Variants in SPTBN2 observed in about 807,000 individuals in gnomAD.
SPTBN2 encodes spectrin beta chain, non-erythrocytic 2.
Under a neutral mutation model 284.2 loss-of-function variants are expected in SPTBN2, and 107 were observed. That is an observed-to-expected ratio of 0.38 (90% confidence interval 0.32 to 0.44). The LOEUF (loss-of-function observed/expected upper bound fraction) is 0.44. Ranked by LOEUF, SPTBN2 falls within the 20% of genes least tolerant of loss-of-function variation. The pLI is 1.00. For synonymous variants in SPTBN2, 1,289 were observed against 1,354.8 expected (o/e 0.95, Z 1.07); for missense variants, 2,569 against 3,287.1 (o/e 0.78, Z 5.34).
Position 66,707,521 on chromosome 11 carries a change from T to A in SPTBN2, c.1648A>T (p.Met550Leu). ...LLYLMDWMEE[M>L]KGRLQSQDLG... ...CCAGCACGCCTCACTGGTACCTTCA[T>A]CTCTTCCATCCAGTCCATGAGGTAG... The change falls in exon 13 of 38, where the codon ATG (methionine) becomes TTG (leucine). Residue 550 changes from methionine to leucine, a missense_variant. This residue lies in a region of SPTBN2 where 1,012 missense variants were observed against 1,248.9 expected (regional missense o/e 0.81). Transcript: ENST00000533211. The surrounding 1 kb of genome is among the most constrained non-coding windows in gnomAD (Gnocchi z 4.9). 6.2e-7 allele frequency: 1 copy of A among 1,602,686 alleles called. No individual in the cohort carries two copies. Among genetic ancestry groups the A allele is most frequent in the Non-Finnish European group, 8.5e-7 (1 of 1,175,222 alleles).
At chr11:66,722,047 A>T (rs1053755173) in intron 1 of SPTBN2, among the ~76,000 whole-genome samples, 1 of 152,092 alleles carries the variant, frequency 6.6e-6, no homozygotes, top group Non-Finnish European at 1.5e-5. Context: ...AAAAGTTATG[A>T]TACGCCAGGA....
intron 1 of SPTBN2, among the ~76,000 whole-genome samples, chr11:66,723,773 T>C (rs1942519563): frequency 6.6e-6 from 1 of 152,254 alleles, no homozygotes; most frequent in South Asian, 2.1e-4. Flanking sequence ...TAGGGCAGAG[T>C]TGAATCACCC....
At chr11:66,696,105 C>A (rs1462953070) in intron 21 of SPTBN2, among the ~76,000 whole-genome samples, 172 bp downstream of exon 21, 1 of 152,188 alleles carries the variant, frequency 6.6e-6, no homozygotes, top group Non-Finnish European at 1.5e-5. Context: ...CTAACTCTAA[C>A]CCTGACTGCG....
intron 1 of SPTBN2, among the ~76,000 whole-genome samples, chr11:66,723,311 A>G (rs1011020129): frequency 6.6e-6 from 1 of 151,908 alleles, no homozygotes; most frequent in African/African-American, 2.4e-5. Context: ...AAAACCCCCA[A>G]TTTTGCATTT....
chr11:66,701,424 T>C, intron 16 of SPTBN2, 142 bp from the exon 17 acceptor site: 24 of 1,496,790 alleles, frequency 1.6e-5, no homozygotes, highest in Non-Finnish European at 2.1e-5. Context: ...TGACCCCCTC[T>C]CTCATCTCTT....
rs752978829 is a variant in SPTBN2 at position 66,721,064 on chromosome 11, C to T, written c.157+20G>A. The T allele has an allele frequency of 2.5e-6, 4 of 1,614,040 alleles. No individual in the cohort carries two copies. The highest frequency in any genetic ancestry group is 1.3e-5 in the African/African-American group (1 of 74,926). On this transcript the variant is annotated intron_variant, in intron 3 of 37. Coordinates refer to ENST00000533211, the MANE Select transcript of SPTBN2 (RefSeq NM_006946.4). ...AGCCTCCTCCAGCATCCCCCCACCT[C>T]GACCCTCCTCTGACCTCACCTGCCA... is the stretch of plus-strand genomic sequence containing the variant.
At chr11:66,721,811 C>T (rs933952253) in intron 1 of SPTBN2, among the ~76,000 whole-genome samples, 42 of 151,904 alleles carry the variant, frequency 2.8e-4, no homozygotes, top group Admixed American at 2.4e-3. Flanking sequence ...TTTGGGAGGC[C>T]GAGGTGGGTG....
chr11:66,686,541 C>G (rs1001524974), intron 36 of SPTBN2, 101 bp from the exon 37 acceptor site: 1 of 1,314,274 alleles, frequency 7.6e-7, no homozygotes, highest in Non-Finnish European at 1.1e-6. Flanking sequence ...GCTGGGACAT[C>G]TGGCTGCAGC....
intron 10 of SPTBN2, among the ~76,000 whole-genome samples, chr11:66,709,601 G>A (rs1941753880): frequency 6.6e-6 from 1 of 152,064 alleles, no homozygotes; most frequent in African/African-American, 2.4e-5. Flanking sequence ...CTTTTCTAGT[G>A]GTTGTGTTGA....
intron 31 of SPTBN2, 103 bp from the exon 32 acceptor site, chr11:66,688,414 TAA>T: frequency 6.5e-7 from 1 of 1,537,538 alleles, no homozygotes. Context: ...TGAAATATGA[TAA>T]GAGGAGAACA....
At chr11:66,699,716 G>T in intron 17 of SPTBN2, 108 bp from the exon 18 acceptor site, 1 of 1,139,838 alleles carries the variant, frequency 8.8e-7, no homozygotes, top group Non-Finnish European at 1.3e-6. Context: ...CAAGCAGACA[G>T]GGAGGGTAGC....
At position 66,693,588 on chromosome 11, in the gene SPTBN2, C is replaced by T. The variant is rs545105691; in HGVS notation, c.4594-142G>A. ...TAGCCTGGGGGTGCGATGGTAACACCCGTCAGCCGCCCAGCCCCCACTATC... is the reference window on the plus strand; with the variant it reads ...TAGCCTGGGGGTGCGATGGTAACACTCGTCAGCCGCCCAGCCCCCACTATC... On this transcript the variant is annotated intron_variant, in intron 23 of 37. Coordinates refer to ENST00000533211, the MANE Select transcript of SPTBN2 (RefSeq NM_006946.4). The surrounding 1 kb of genome is among the most constrained non-coding windows in gnomAD (Gnocchi z 5.7). The T allele has an allele frequency of 1.2e-4, 176 of 1,417,976 alleles. 1 individual carries two copies. In the African/African-American group the frequency reaches 1.8e-3, roughly 15 times the overall value. 87.8% of individuals were successfully genotyped at this position (1,417,976 alleles called of 1,614,324 possible). A position where few individuals can be genotyped will look rare whatever the true frequency, so the allele number is the denominator to read the frequency against.
chr11:66,695,798 C>T (rs1161519920), intron 21 of SPTBN2, among the ~76,000 whole-genome samples: 3 of 151,840 alleles, frequency 2.0e-5, no homozygotes, highest in South Asian at 2.1e-4. Flanking sequence ...GGCATGATCA[C>T]GGCTCACTGC....
At chr11:66,739,107 T>C (rs535211291) in intron 1 of SPTBN2, among the ~76,000 whole-genome samples, 2 of 151,730 alleles carry the variant, frequency 1.3e-5, no homozygotes, top group Admixed American at 6.6e-5. Flanking sequence ...GTGCCGGGCC[T>C]AAGTTTTAAT....
At chr11:66,743,630 G>A (rs1011052301) in intron 1 of SPTBN2, among the ~76,000 whole-genome samples, 6 of 152,162 alleles carry the variant, frequency 3.9e-5, no homozygotes, top group African/African-American at 1.4e-4. Context: ...GACTCTGCAG[G>A]ACCTCCTTAT....
At position 66,685,649 on chromosome 11, in the gene SPTBN2, G is replaced by A. The variant is rs1368616398; in HGVS notation, c.*222C>T. 1 of 571,558 alleles carries A rather than the reference G, an allele frequency of 1.7e-6. No homozygotes were observed. The highest frequency in any genetic ancestry group is 1.9e-5 in the African/African-American group (1 of 53,334). The allele number at this position is 571,558 out of a possible 1,614,324, so 35.4% of individuals were successfully genotyped here. A position where few individuals can be genotyped will look rare whatever the true frequency, so the allele number is the denominator to read the frequency against. On this transcript the variant is annotated 3_prime_UTR_variant, in exon 38 of 38. Coordinates refer to ENST00000533211, the MANE Select transcript of SPTBN2 (RefSeq NM_006946.4). This position sits in a 1 kb window ranked among gnomAD's most constrained non-coding sequence, Gnocchi z 4.4. ...AGAAGTCGGCGGGGGTGGGAGAGGGGGTTACCTGGGTCCCACCACCAGTCT... is the reference window on the plus strand; with the variant it reads ...AGAAGTCGGCGGGGGTGGGAGAGGGAGTTACCTGGGTCCCACCACCAGTCT...
intron 19 of SPTBN2, 30 bp from the exon 20 acceptor site, chr11:66,698,815 C>T (rs761709859): frequency 6.2e-7 from 1 of 1,612,122 alleles, no homozygotes; most frequent in Non-Finnish European, 8.5e-7. Flanking sequence ...GGGACATTTC[C>T]AAGGGAGGGG....
Position 66,687,577 on chromosome 11 carries a change from G to A in SPTBN2, c.6572C>T (p.Pro2191Leu), listed in dbSNP as rs199880827. The change falls in exon 35 of 38, where the codon CCA becomes CTA. Residue 2191 changes from proline (P) to leucine (L), a missense_variant. By Grantham distance (98) the Pro-to-Leu change is moderately conservative. Coordinates refer to ENST00000533211, the MANE Select transcript of SPTBN2 (RefSeq NM_006946.4). This position sits in a 1 kb window ranked among gnomAD's most constrained non-coding sequence, Gnocchi z 5.2. ...AGACCTGCTCTGGGGCATTGCAGAT[G>A]GGGCCGGGCCCCGAGTCCGGGTCTG... ...ERQTRTRGPA[P>L]SAMPQSRSTE... 3.3e-4 allele frequency: 530 copies of A among 1,611,470 alleles called. No individual in the cohort carries two copies. The highest frequency in any genetic ancestry group is 4.4e-4 in the Non-Finnish European group (517 of 1,179,778).
In SPTBN2 at chr11:66,715,262, A is replaced by G; in HGVS notation, c.443T>C (p.Leu148Pro). ...SHDIVDGNHRLTLGLVWTIIL... is the reference protein window; with the variant it reads ...SHDIVDGNHRPTLGLVWTIIL... ...GATGGTCCAGACCAGCCCAAGGGTCAGTCGGTGGTTTCCGTCCACAATGTC... is the reference window on the plus strand; with the variant it reads ...GATGGTCCAGACCAGCCCAAGGGTCGGTCGGTGGTTTCCGTCCACAATGTC... The change falls in exon 5 of 38, where the codon CTG (leucine) becomes CCG (proline). Residue 148 changes from leucine (L) to proline (P), a missense_variant. Transcript: ENST00000533211. The surrounding 1 kb of genome is among the most constrained non-coding windows in gnomAD (Gnocchi z 5.3). 6.2e-7 allele frequency: 1 copy of G among 1,614,250 alleles called. No homozygotes were observed.
Sources: allele counts gnomAD v4.1 joint callset (sites outside exome capture counted in the v4.1 genomes callset), GRCh38; gene constraint gnomAD v4.1.1; regional missense constraint gnomAD v4.1.1; non-coding constraint Gnocchi (gnomAD v3.1); transcripts MANE v1.5; gene names NCBI Gene and HGNC (gene_info 2026-07-23, HGNC 2026-07-21).